ERBB3: variants seen among roughly 807,000 people sequenced by gnomAD.
ERBB3 encodes erb-b2 receptor tyrosine kinase 3, also known as receptor tyrosine-protein kinase erbB-3.
A neutral mutation model predicts 156.7 loss-of-function variants in ERBB3; 96 were observed. The ratio of observed to expected loss-of-function variants is 0.61; its 90% CI spans 0.52 to 0.73. The LOEUF is 0.73. Ranked by LOEUF, ERBB3 falls within the 30% of genes least tolerant of loss-of-function variation. The probability of loss-of-function intolerance (pLI) is 0.00; values close to 1 mark genes in which losing one functional copy is unlikely to be tolerated. For synonymous variants in ERBB3, 567 were observed against 632.0 expected, an observed-to-expected ratio of 0.90 and a Z score of 1.54; for missense variants, 1,406 against 1,709.4, an observed-to-expected ratio of 0.82 and a Z score of 3.13.
Position 56,094,189 on chromosome 12 carries a change from G to A in ERBB3, c.1704G>A (p.Ser568=), listed in dbSNP as rs746440071. 3.7e-6 allele frequency: 6 copies of A among 1,612,184 alleles called. No individual in the cohort carries two copies. The highest frequency in any genetic ancestry group is 2.2e-5 in the East Asian group (1 of 44,882). The change falls in exon 14 of 28, where the codon TCG becomes TCA. Residue 568 remains serine (S), a splice_region_variant and synonymous_variant. Coordinates refer to ENST00000267101, the MANE Select transcript of ERBB3 (RefSeq NM_001982.4). Reference sequence around the variant, plus strand: ...AGGGCACTGCCACATGCAATGGCTCGGTATACTAGTAGCACCAGGATCTCC... The same window carrying A: ...AGGGCACTGCCACATGCAATGGCTCAGTATACTAGTAGCACCAGGATCTCC... ...PMEGTATCNG[S]GSDTCAQCAH...
At position 56,085,033 on chromosome 12, in the gene ERBB3, G is replaced by T. The variant is rs1868429409; in HGVS notation, c.273G>T (p.Met91Ile). Reference protein sequence around the residue: ...REVTGYVLVAMNEFSTLPLPN... With the variant: ...REVTGYVLVAINEFSTLPLPN... ...TGACAGGCTATGTCCTCGTGGCCAT[G>T]AATGAATTCTCTACTCTACCATTGC... The change falls in exon 3 of 28, where the codon ATG becomes ATT. Residue 91 changes from methionine to isoleucine, a missense_variant. Coordinates refer to ENST00000267101, the MANE Select transcript of ERBB3 (RefSeq NM_001982.4). 6.2e-7 allele frequency: 1 copy of T among 1,614,150 alleles called. No homozygotes were observed. The highest frequency in any genetic ancestry group is 2.2e-5 in the East Asian group (1 of 44,884).
At position 56,098,787 on chromosome 12, in the gene ERBB3, C is replaced by T. The variant is rs780969100; in HGVS notation, c.2721C>T (p.Phe907=). The part of the protein sequence containing the change: ...YGVTVWELMT[F]GAEPYAGLRL... ...TGACAGTTTGGGAGTTGATGACCTT[C>T]GGGGCAGAGCCCTATGCAGGGCTAC... The change falls in exon 23 of 28, where the codon TTC becomes TTT. Residue 907 remains phenylalanine (F), a synonymous_variant. Transcript: ENST00000267101. 18 of 1,613,970 alleles carry T rather than the reference C, an allele frequency of 1.1e-5. No individual in the cohort carries two copies. The East Asian group carries it at 1.3e-4, about 12-fold the overall frequency.
chr12:56,091,283 T>TATATATATATAAATAATATATAAATATAA (rs1868678996), intron 9 of ERBB3, among the ~76,000 whole-genome samples: 1 of 51,762 alleles, frequency 1.9e-5, no homozygotes, highest in African/African-American at 6.1e-5. Flanking sequence ...TATATATATA[T>TATATATATATAAATAATATATAAATATAA]ATATATATAT....
rs1369471785 is a variant in ERBB3, at chr12:56,099,867, G to A, written c.2967G>A (p.Gly989=). The A allele has an allele frequency of 1.2e-6, 2 of 1,614,206 alleles. No homozygotes were observed. Among genetic ancestry groups the A allele is most frequent in the East Asian group, 4.5e-5 (2 of 44,872 alleles). Residue 989 remains glycine, a synonymous_variant, in exon 25 of 28, where the codon GGG becomes GGA. Transcript: ENST00000267101. ...AGAGTGGGCCTGGAATAGCCCCTGG[G>A]CCAGAGCCCCATGGTCTGACAAACA... is the stretch of plus-strand genomic sequence containing the variant. ...KRESGPGIAP[G]PEPHGLTNKK...
chr12:56,100,417 G>GAGGTCAGA, intron 26 of ERBB3, 172 bp downstream of exon 26: 1 of 665,700 alleles, frequency 1.5e-6, no homozygotes, highest in Non-Finnish European at 2.8e-6. Flanking sequence ...CAGAGAGAGT[G>GAGGTCAGA]GATCACCTGA....
chr12:56,094,254 G>C lies in ERBB3; in HGVS notation c.1704+65G>C, dbSNP rs1868820028. The C allele has an allele frequency of 2.7e-6, 4 of 1,456,080 alleles. No individual in the cohort carries two copies. In the Admixed American group the frequency reaches 6.7e-5, roughly 24 times the overall value. The allele number at this position is 1,456,080 out of a possible 1,614,324, so 90.2% of individuals were successfully genotyped here. A position where few individuals can be genotyped will look rare whatever the true frequency, so the allele number is the denominator to read the frequency against. ...AGGGGCAATACTTGGAGCATCTGGG[G>C]AATGATATGGCTAAGGATAGCACAG... is the stretch of plus-strand genomic sequence containing the variant. On this transcript the variant is annotated intron_variant, in intron 14 of 27. Coordinates refer to ENST00000267101, the MANE Select transcript of ERBB3 (RefSeq NM_001982.4).
chr12:56,093,651 G>A (rs2136810591), intron 12 of ERBB3, 101 bp downstream of exon 12: 1 of 1,564,368 alleles, frequency 6.4e-7, no homozygotes, highest in East Asian at 2.2e-5. Flanking sequence ...TTGAGGGATG[G>A]AACCAAGGAG....
chr12:56,088,763 G>C lies in ERBB3; in HGVS notation c.1004G>C (p.Gly335Ala). 6.2e-7 allele frequency: 1 copy of C among 1,614,104 alleles called. No individual in the cohort carries two copies. Residue 335 changes from glycine to alanine, a missense_variant, in exon 9 of 28, where the codon GGC becomes GCC. Gly to Ala is a moderately conservative substitution (Grantham distance 60, BLOSUM62 0). Around this residue, in one of 3 missense-constraint regions of ERBB3, gnomAD observed 979 missense variants for 1,219.6 expected, o/e 0.80. Coordinates refer to ENST00000267101, the MANE Select transcript of ERBB3 (RefSeq NM_001982.4). ...ACATTTGCAGCCTGTGAGGGAACAG[G>C]CTCTGGGAGCCGCTTCCAGACTGTG... ...GLCPKACEGT[G>A]SGSRFQTVDS...
At chr12:56,083,335 A>G in intron 1 of ERBB3, 1 of 331,076 alleles carries the variant, frequency 3.0e-6, no homozygotes, top group South Asian at 2.6e-5. Context: ...TCCAGGACCT[A>G]GAGAGAGGCA....
chr12:56,096,882 AG>A (rs1300449954), intron 19 of ERBB3, 36 bp downstream of exon 19: 2 of 1,497,204 alleles, frequency 1.3e-6, no homozygotes, highest in African/African-American at 2.8e-5. Context: ...GCTAGGAGAG[AG>A]GACAATATTA....
In ERBB3 at chr12:56,101,655, AT is replaced by A. The variant is rs1869112034; in HGVS notation, c.3630del (p.Pro1212LeufsTer52). ...CGGAGGAGAAGGCACAGTCCACCTCATCCCCCTAGGCCAAGTTCCCTTGAGG... is the reference window on the plus strand; with the variant it reads ...CGGAGGAGAAGGCACAGTCCACCTCACCCCCTAGGCCAAGTTCCCTTGAGG... ...MNRRRRHSPP[H>X]PPRPSSLEEL... On this transcript the variant is annotated frameshift_variant, in exon 28 of 28. Transcript: ENST00000267101. LOFTEE classifies it high-confidence loss of function. 1 of 1,613,842 alleles carries A rather than the reference AT, an allele frequency of 6.2e-7. No individual in the cohort carries two copies. Among genetic ancestry groups the A allele is most frequent in the South Asian group, 1.1e-5 (1 of 91,078 alleles).
chr12:56,092,759 C>T lies in ERBB3; in HGVS notation c.1122C>T (p.His374=). The change falls in exon 10 of 28, where the codon CAC becomes CAT. Residue 374 remains histidine (H), a synonymous_variant. Coordinates refer to ENST00000267101, the MANE Select transcript of ERBB3 (RefSeq NM_001982.4). ...LITGLNGDPW[H]KIPALDPEKL... is the part of the protein sequence containing the mutation. ...CTGTTCTATTCAGAGACCCCTGGCA[C>T]AAGATCCCTGCCCTGGACCCAGAGA... The T allele has an allele frequency of 6.2e-7, 1 of 1,613,988 alleles. No homozygotes were observed. The highest frequency in any genetic ancestry group is 8.5e-7 in the Non-Finnish European group (1 of 1,179,840).
At chr12:56,096,340 G>A in intron 17 of ERBB3, 163 bp from the exon 18 acceptor site, 1 of 813,222 alleles carries the variant, frequency 1.2e-6, no homozygotes, top group East Asian at 2.5e-5. Context: ...TCAGTTCTCA[G>A]GGTCTGTACC....
Position 56,094,509 on chromosome 12 carries a change from A to C in ERBB3, c.1812A>C (p.Pro604=), listed in dbSNP as rs201250912. The C allele has an allele frequency of 1.5e-5, 24 of 1,614,164 alleles. No individual in the cohort carries two copies. In the African/African-American group the frequency reaches 1.7e-4, roughly 12 times the overall value. The part of the protein sequence containing the change: ...LGAKGPIYKY[P]DVQNECRPCH... ...CCAAGGGCCCAATCTACAAGTACCC[A>C]GATGTTCAGAATGAATGTCGGCCCT... The change falls in exon 15 of 28, where the codon CCA becomes CCC. Residue 604 remains proline (P), a synonymous_variant. Transcript: ENST00000267101.
chr12:56,087,990 CAT>C, intron 6 of ERBB3, 29 bp from the exon 7 acceptor site: 6 of 1,614,160 alleles, frequency 3.7e-6, no homozygotes, highest in Non-Finnish European at 5.1e-6. Context: ...ACACACGTAA[CAT>C]AAATCTGATG....
chr12:56,101,218 G>A lies in ERBB3; in HGVS notation c.3359G>A (p.Arg1120Lys), dbSNP rs1463820804. The A allele has an allele frequency of 7.4e-6, 12 of 1,613,790 alleles. No homozygotes were observed. The highest frequency in any genetic ancestry group is 1.0e-5 in the Non-Finnish European group (12 of 1,179,816). Residue 1120 changes from arginine to lysine, a missense_variant, in exon 27 of 28, where the codon AGG becomes AAG. Physicochemically the swap from Arg to Lys is conservative, Grantham distance 26. Coordinates refer to ENST00000267101, the MANE Select transcript of ERBB3 (RefSeq NM_001982.4). Reference protein sequence around the residue: ...EKVSMCRSRSRSRSPRPRGDS... With the variant: ...EKVSMCRSRSKSRSPRPRGDS... ...GTGTCAATGTGTAGGAGCCGGAGCAGGAGCCGGAGCCCACGGCCACGCGGA... is the reference window on the plus strand; with the variant it reads ...GTGTCAATGTGTAGGAGCCGGAGCAAGAGCCGGAGCCCACGGCCACGCGGA...
Position 56,093,354 on chromosome 12 carries a change from C to T in ERBB3, c.1284C>T (p.Phe428=), listed in dbSNP as rs1426824623. Residue 428 remains phenylalanine, a synonymous_variant, in exon 12 of 28, where the codon TTC becomes TTT. Transcript: ENST00000267101. The part of the protein sequence containing the change: ...IGGRSLYNRG[F]SLLIMKNLNV... The stretch of plus-strand genomic sequence containing the variant: ...GTCTCCTTATTCTCAGCCGGGGCTT[C>T]TCATTGTTGATCATGAAGAACTTGA... 5.0e-6 allele frequency: 8 copies of T among 1,613,742 alleles called. No homozygotes were observed. The highest frequency in any genetic ancestry group is 5.9e-6 in the Non-Finnish European group (7 of 1,179,824).
chr12:56,101,310 T>A lies in ERBB3; in HGVS notation c.3451T>A (p.Leu1151Ile), dbSNP rs2136829341. The A allele has an allele frequency of 6.2e-7, 1 of 1,614,148 alleles. No individual in the cohort carries two copies. The highest frequency in any genetic ancestry group is 1.3e-5 in the African/African-American group (1 of 75,040). Residue 1151 changes from leucine (L) to isoleucine (I), a missense_variant, in exon 27 of 28, where the codon TTA becomes ATA. Around this residue, in one of 3 missense-constraint regions of ERBB3, gnomAD observed 415 missense variants for 454.1 expected, o/e 0.91. Transcript: ENST00000267101. ...TGTTACCCCACTCTCCCCACCCGGG[T>A]TAGAGGAAGAGGATGTCAACGGTTA... ...TPVTPLSPPG[L>I]EEEDVNGYVM...
At chr12:56,087,376 G>A (rs1203256143) in intron 4 of ERBB3, among the ~76,000 whole-genome samples, 1 of 152,166 alleles carries the variant, frequency 6.6e-6, no homozygotes, top group Non-Finnish European at 1.5e-5. Context: ...CTGCCCAGTG[G>A]GTGGTGTGGA....
Sources: gnomAD v4.1 joint callset for allele counts (sites outside exome capture counted in the v4.1 genomes callset) on GRCh38, gnomAD v4.1.1 for gene constraint, gnomAD v4.1.1 regional missense constraint, MANE v1.5 for transcripts, NCBI Gene and HGNC (gene_info 2026-07-23, HGNC 2026-07-21) for gene names.